Variants in RYR3 observed in about 807,000 individuals in gnomAD.
RYR3 encodes the protein brain ryanodine receptor-calcium release channel.
RYR3 carries 207 observed loss-of-function variants against 584.3 expected under a neutral mutation model. The observed-to-expected ratio is 0.35, with a 90% CI of 0.32 to 0.40. The LOEUF (loss-of-function observed/expected upper bound fraction) is 0.40. Among genes scored for constraint, RYR3 ranks in the 10% least tolerant of loss-of-function variants. The pLI, the probability that RYR3 is intolerant of heterozygous loss-of-function variation, is 1.00. For synonymous variants in RYR3, 2,416 were observed against 2,248.5 expected, an observed-to-expected ratio of 1.07 and a Z score of -2.11; for missense variants, 5,616 against 6,089.2, an observed-to-expected ratio of 0.92 and a Z score of 2.59.
chr15:33,340,126 T>C (rs970357731), intron 1 of RYR3, among the ~76,000 whole-genome samples: 1 of 152,214 alleles, frequency 6.6e-6, no homozygotes, highest in East Asian at 1.9e-4. Context: ...CTTTGTGTTA[T>C]TCAATCTTCC....
At chr15:33,546,057 G>A (rs1410925509) in intron 8 of RYR3, among the ~76,000 whole-genome samples, 1 of 152,130 alleles carries the variant, frequency 6.6e-6, no homozygotes, top group Non-Finnish European at 1.5e-5. Context: ...TCAGCTTGCC[G>A]CCCACTATAC....
Position 33,706,889 on chromosome 15 carries a change from G to A in RYR3, c.6484-30G>A, listed in dbSNP as rs375994549. 1.1e-4 allele frequency: 179 copies of A among 1,568,080 alleles called. No individual in the cohort carries two copies. The African/African-American group carries it at 1.3e-3, about 11-fold the overall frequency. On this transcript the variant is annotated intron_variant, in intron 42 of 103. Transcript: ENST00000634891. ...TTTTAATAGCCATCCTAATGCGTGC[G>A]AAAGAACACTTTTGTACTGTTTCTG...
At chr15:33,398,192 C>A (rs561599384) in intron 1 of RYR3, among the ~76,000 whole-genome samples, 1 of 152,294 alleles carries the variant, frequency 6.6e-6, no homozygotes, top group Non-Finnish European at 1.5e-5. Flanking sequence ...AAATGAACTA[C>A]CTTTTTCCAA....
chr15:33,865,272 T>A lies in RYR3; in HGVS notation c.*46T>A, dbSNP rs1286479707. The A allele has an allele frequency of 4.4e-6, 6 of 1,351,390 alleles. No individual in the cohort carries two copies. The highest frequency in any genetic ancestry group is 3.6e-5 in the South Asian group (3 of 82,468). The allele number at this position is 1,351,390 out of a possible 1,614,324, so 83.7% of individuals were successfully genotyped here. On this transcript the variant is annotated 3_prime_UTR_variant, in exon 104 of 104. Coordinates refer to ENST00000634891, the MANE Select transcript of RYR3 (RefSeq NM_001036.6). ...ACAATTCTGGACAGTCAACTTCCCA[T>A]GAAATAAAGTCCCCTTTTTACAGTT...
Position 33,539,374 on chromosome 15 carries a change from A to G in RYR3, c.458A>G (p.His153Arg). ...GGAGAAGCCTGTTGGTGGACTATAC[A>G]TCCTGCTTCCAAACAGAGGTCCGAA... is the stretch of plus-strand genomic sequence containing the variant. ...ATGEACWWTI[H>R]PASKQRSEGE... The change falls in exon 6 of 104, where the codon CAT becomes CGT. Residue 153 changes from histidine to arginine, a missense_variant. Physicochemically the swap from His to Arg is conservative, Grantham distance 29. This residue lies in a region of RYR3 where 1,284 missense variants were observed against 1,344.6 expected (regional missense o/e 0.95). Transcript: ENST00000634891. The G allele has an allele frequency of 6.3e-7, 1 of 1,597,426 alleles. No individual in the cohort carries two copies.
intron 40 of RYR3, among the ~76,000 whole-genome samples, chr15:33,699,376 T>A (rs111890893): frequency 0.014 from 2,064 of 149,824 alleles, 50 homozygotes; most frequent in African/African-American, 0.048. Context: ...TCACTCACTC[T>A]CTCTCCTCTC....
At chr15:33,696,151 G>C in intron 38 of RYR3, 67 bp from the exon 39 acceptor site, 1 of 1,480,064 alleles carries the variant, frequency 6.8e-7, no homozygotes, top group Non-Finnish European at 9.2e-7. Flanking sequence ...GCATGAAGTG[G>C]CTGAAACACC....
chr15:33,492,529 T>A (rs1299108178), intron 2 of RYR3, among the ~76,000 whole-genome samples: 1 of 152,014 alleles, frequency 6.6e-6, no homozygotes, highest in East Asian at 1.9e-4. Flanking sequence ...GAATTTGGAT[T>A]CAGTTTGAGA....
intron 24 of RYR3, 23 bp downstream of exon 24, chr15:33,633,131 T>A (rs2061346171): frequency 3.7e-6 from 6 of 1,609,082 alleles, no homozygotes; most frequent in Admixed American, 1.7e-5. Context: ...GGGTCAGGCA[T>A]GCTGGAAAAC....
intron 16 of RYR3, among the ~76,000 whole-genome samples, chr15:33,587,246 C>G (rs2058899569): frequency 6.6e-6 from 1 of 152,344 alleles, no homozygotes; most frequent in South Asian, 2.1e-4. Context: ...TCCAGATTCT[C>G]TGCGTTCCAA....
At chr15:33,506,532 C>A in intron 3 of RYR3, among the ~76,000 whole-genome samples, 1 of 152,126 alleles carries the variant, frequency 6.6e-6, no homozygotes, top group Admixed American at 6.5e-5. Context: ...CCCACCTTGA[C>A]ACATTTATCA....
chr15:33,690,511 C>T (rs1011442113), intron 38 of RYR3, among the ~76,000 whole-genome samples: 5 of 152,202 alleles, frequency 3.3e-5, no homozygotes, highest in African/African-American at 1.2e-4. Context: ...GTGAGATGCT[C>T]ACATTTAATC....
At chr15:33,864,868 G>A in intron 103 of RYR3, 1 of 427,362 alleles carries the variant, frequency 2.3e-6, no homozygotes. Flanking sequence ...TATGTTTAGT[G>A]GCAAACATTG....
chr15:33,343,622 G>A (rs1024004720), intron 1 of RYR3, among the ~76,000 whole-genome samples: 3 of 152,140 alleles, frequency 2.0e-5, no homozygotes, highest in Non-Finnish European at 2.9e-5. Context: ...AGAAATTGTT[G>A]TTATCAGTGG....
At chr15:33,722,089 T>A (rs2067974733) in intron 43 of RYR3, among the ~76,000 whole-genome samples, 1 of 152,170 alleles carries the variant, frequency 6.6e-6, no homozygotes, top group African/African-American at 2.4e-5. Context: ...GGTTAGGTAT[T>A]AGACTCTGTG....
intron 1 of RYR3, among the ~76,000 whole-genome samples, chr15:33,453,670 G>T (rs191381370): frequency 6.6e-5 from 10 of 152,256 alleles, no homozygotes; most frequent in African/African-American, 2.4e-4. Context: ...ATGTGGAGTT[G>T]CATCGTCTTT....
intron 38 of RYR3, among the ~76,000 whole-genome samples, chr15:33,684,101 T>C (rs911481746): frequency 6.6e-6 from 1 of 152,268 alleles, no homozygotes; most frequent in Admixed American, 6.5e-5. Flanking sequence ...CAGACTTAAA[T>C]GTCCCTGTCT....
At chr15:33,477,877 G>GA (rs58200056) in intron 2 of RYR3, among the ~76,000 whole-genome samples, 913 of 62,584 alleles carry the variant, frequency 0.015, 54 homozygotes, top group Admixed American at 0.027. Context: ...TCTGTCTCAA[G>GA]AAAAAAAAAA....
At chr15:33,671,741 G>A (rs2063847152) in intron 38 of RYR3, among the ~76,000 whole-genome samples, 1 of 150,472 alleles carries the variant, frequency 6.6e-6, no homozygotes, top group African/African-American at 2.5e-5. Flanking sequence ...TTACCCATAT[G>A]TCTCCTATAT....
Sources: gnomAD v4.1 joint callset for allele counts (sites outside exome capture counted in the v4.1 genomes callset) on GRCh38, gnomAD v4.1.1 for gene constraint, gnomAD v4.1.1 regional missense constraint, MANE v1.5 for transcripts, NCBI Gene and HGNC (gene_info 2026-07-23, HGNC 2026-07-21) for gene names.